LCN10: variants seen among roughly 807,000 people sequenced by gnomAD.
The protein encoded by LCN10 is epididymal-specific lipocalin-10.
A neutral mutation model predicts 25.1 loss-of-function variants in LCN10; 18 were observed. The observed-to-expected ratio is 0.72, with a 90% CI of 0.50 to 1.06. The LOEUF (loss-of-function observed/expected upper bound fraction) is 1.06. Ranked by LOEUF, LCN10 falls within the 50% of genes least tolerant of loss-of-function variation. LCN10 has a pLI of 0.00. For synonymous variants in LCN10, 130 were observed against 116.7 expected (o/e 1.11, Z -0.73); for missense variants, 257 against 258.9 (o/e 0.99, Z 0.05).
rs370596359 is a variant in LCN10 at position 136,742,035 on chromosome 9, T to A, written c.118-15A>T. The A allele has an allele frequency of 1.9e-6, 3 of 1,612,116 alleles. No individual in the cohort carries two copies. Among genetic ancestry groups the A allele is most frequent in the Non-Finnish European group, 2.5e-6 (3 of 1,179,568 alleles). ...AACCCTGAAAACTGCGCAGCGGATG[T>A]GTGGGCGGGGACAGGAGCTGCCACC... On this transcript the variant is annotated splice_polypyrimidine_tract_variant and intron_variant, in intron 1 of 5. Coordinates refer to ENST00000497771, the MANE Select transcript of LCN10 (RefSeq NM_001001712.3).
intron 3 of LCN10, 40 bp downstream of exon 3, chr9:136,741,212 A>G: frequency 6.4e-7 from 1 of 1,559,514 alleles, no homozygotes; most frequent in Non-Finnish European, 8.8e-7. Flanking sequence ...GGTCAGAGGC[A>G]TATCACGCAG....
Position 136,741,931 on chromosome 9 carries a change from C to G in LCN10, c.207G>C (p.Val69=). Residue 69 remains valine, a synonymous_variant, in exon 2 of 6, where the codon GTG becomes GTC. Transcript: ENST00000497771. ...GCTGGCCCACTTTGTTCACCTTTAC[C>G]ACGGACGCCCCCAGCTTCCTCTTGT... The part of the protein sequence containing the change: ...ARDKRKLGAS[V]VKVNKVGQLR... 6.2e-7 allele frequency: 1 copy of G among 1,610,896 alleles called. No homozygotes were observed. Among genetic ancestry groups the G allele is most frequent in the Non-Finnish European group, 8.5e-7 (1 of 1,178,910 alleles).
intron 1 of LCN10, 141 bp from the exon 2 acceptor site, chr9:136,742,161 T>G: frequency 1.9e-6 from 2 of 1,060,686 alleles, no homozygotes; most frequent in Admixed American, 2.4e-5. Context: ...GCCGCCTCGG[T>G]CCCGGCCACT....
chr9:136,741,700 C>A, intron 2 of LCN10, 181 bp downstream of exon 2: 1 of 866,434 alleles, frequency 1.2e-6, no homozygotes, highest in East Asian at 2.7e-5. Context: ...TCCCAACACC[C>A]ACCCATGTGG....
intron 3 of LCN10, 34 bp downstream of exon 3, chr9:136,741,218 C>A (rs773736923): frequency 1.3e-6 from 2 of 1,581,054 alleles, no homozygotes; most frequent in Non-Finnish European, 1.7e-6. Context: ...AGGCATATCA[C>A]GCAGCTCCTC....
chr9:136,742,277 C>T (rs1284055625), intron 1 of LCN10: 31 of 511,276 alleles, frequency 6.1e-5, no homozygotes, highest in African/African-American at 5.8e-4. Context: ...GTGGGAGGCC[C>T]CCTACCTCAG....
chr9:136,742,116 C>G, intron 1 of LCN10, 96 bp from the exon 2 acceptor site: 3 of 1,482,746 alleles, frequency 2.0e-6, no homozygotes, highest in Non-Finnish European at 2.7e-6. Flanking sequence ...GACAAATGAC[C>G]CTTCTGTGAG....
intron 1 of LCN10, chr9:136,742,336 G>A (rs905980943): frequency 2.8e-5 from 12 of 424,530 alleles, no homozygotes; most frequent in Middle Eastern, 6.6e-4. Context: ...GGTACTGCTC[G>A]GCCACTTCCC....
rs760719219 is a variant in LCN10, at chr9:136,741,281, G to A, written c.338C>T (p.Ala113Val). The change falls in exon 3 of 6, where the codon GCG (alanine) becomes GTG (valine). Residue 113 changes from alanine (A) to valine (V), a missense_variant. Ala to Val is a moderately conservative substitution (Grantham distance 64). Transcript: ENST00000497771. ...CTCCTGTCCTTCCCTCGGGCCCGCCGCGTATGCACAGGCGTTCCCAAACAC... is the reference window on the plus strand; with the variant it reads ...CTCCTGTCCTTCCCTCGGGCCCGCCACGTATGCACAGGCGTTCCCAAACAC... The part of the protein sequence containing the change: ...KPVFGNACAY[A>V]AGPREGQEGV... The A allele has an allele frequency of 1.7e-5, 28 of 1,613,408 alleles. No homozygotes were observed. Among genetic ancestry groups the A allele is most frequent in the South Asian group, 3.3e-5 (3 of 91,088 alleles).
chr9:136,740,969 G>T lies in LCN10; in HGVS notation c.368-26C>A. The T allele has an allele frequency of 6.3e-7, 1 of 1,578,994 alleles. No homozygotes were observed. The highest frequency in any genetic ancestry group is 8.7e-7 in the Non-Finnish European group (1 of 1,149,706). On this transcript the variant is annotated intron_variant, in intron 3 of 5. Transcript: ENST00000497771. The surrounding 1 kb of genome is among the most constrained non-coding windows in gnomAD (Gnocchi z 5.3). ...CTGAAAGAGATGCCCAGAGATGCCC[G>T]CTGGTTCCCGGATGGCGTGGCTGTG...
In LCN10 at chr9:136,740,754, C is replaced by T. The variant is rs535894124; in HGVS notation, c.475+82G>A. The stretch of plus-strand genomic sequence containing the variant: ...TCTCCCTGCCCGCCTCACCTCCTGC[C>T]CGGCCCCCTGTGCCCAGCGCCCCTC... On this transcript the variant is annotated intron_variant, in intron 4 of 5. Coordinates refer to ENST00000497771, the MANE Select transcript of LCN10 (RefSeq NM_001001712.3). The surrounding 1 kb of genome is among the most constrained non-coding windows in gnomAD (Gnocchi z 5.3). 34 of 1,024,660 alleles carry T rather than the reference C, an allele frequency of 3.3e-5. No individual in the cohort carries two copies. In the East Asian group the frequency reaches 8.1e-4, roughly 24 times the overall value. 63.5% of individuals were successfully genotyped at this position (1,024,660 alleles called of 1,614,324 possible).
chr9:136,741,118 C>A, intron 3 of LCN10, 134 bp downstream of exon 3: 1 of 997,858 alleles, frequency 1.0e-6, no homozygotes, highest in Non-Finnish European at 1.5e-6. Context: ...CAGCACATGA[C>A]GTGTGGGCTC....
Position 136,740,117 on chromosome 9 carries a change from C to A in LCN10, c.476-69G>T. 2.0e-6 allele frequency: 2 copies of A among 1,009,836 alleles called. No homozygotes were observed. The highest frequency in any genetic ancestry group is 1.4e-5 in the South Asian group (1 of 73,146). The allele number at this position is 1,009,836 out of a possible 1,614,324, so 62.6% of individuals were successfully genotyped here. A position where few individuals can be genotyped will look rare whatever the true frequency, so the allele number is the denominator to read the frequency against. ...CATTTTAGGGTCTGCACCCTGACCC[C>A]CATCCCTACCCCAGGAGCTGCTGAA... is the stretch of plus-strand genomic sequence containing the variant. On this transcript the variant is annotated intron_variant, in intron 4 of 5. Coordinates refer to ENST00000497771, the MANE Select transcript of LCN10 (RefSeq NM_001001712.3). The surrounding 1 kb of genome is among the most constrained non-coding windows in gnomAD (Gnocchi z 5.3).
intron 1 of LCN10, 58 bp downstream of exon 1, chr9:136,742,729 A>G (rs1185993947): frequency 1.1e-5 from 18 of 1,598,220 alleles, no homozygotes; most frequent in Admixed American, 1.7e-5. Context: ...ACTGTGCAGG[A>G]GCCTGCTCCA....
chr9:136,738,585 A>G lies in LCN10; in HGVS notation c.*940T>C, dbSNP rs901000837. On this transcript the variant is annotated 3_prime_UTR_variant, in exon 6 of 6. Coordinates refer to ENST00000497771, the MANE Select transcript of LCN10 (RefSeq NM_001001712.3). ...GGTTCATCTCAGACAACCTCCCGTC[A>G]TCACCCCTTGAGTGAGACCTAAGCC... is the stretch of plus-strand genomic sequence containing the variant. The G allele has an allele frequency of 1.3e-5, 2 of 152,132 alleles. No individual in the cohort carries two copies. Among genetic ancestry groups the G allele is most frequent in the Non-Finnish European group, 2.9e-5 (2 of 68,046 alleles). 9.4% of individuals were successfully genotyped at this position (152,132 alleles called of 1,614,324 possible). A position where few individuals can be genotyped will look rare whatever the true frequency, so the allele number is the denominator to read the frequency against.
At position 136,738,562 on chromosome 9, in the gene LCN10, T is replaced by TCTG. The variant is rs1327293060; in HGVS notation, c.*962_*963insCAG. ...AAGGTCCATTCATTCAGTTGGGGGG[T>TCTG]TCATCTCAGACAACCTCCCGTCATC... On this transcript the variant is annotated 3_prime_UTR_variant, in exon 6 of 6. Transcript: ENST00000497771. The TCTG allele has an allele frequency of 6.6e-6, 1 of 151,324 alleles. No individual in the cohort carries two copies. Among genetic ancestry groups the TCTG allele is most frequent in the East Asian group, 1.9e-4 (1 of 5,160 alleles). 9.4% of individuals were successfully genotyped at this position (151,324 alleles called of 1,614,324 possible).
At position 136,739,479 on chromosome 9, in the gene LCN10, C is replaced by A; in HGVS notation, c.*46G>T. The A allele has an allele frequency of 6.4e-7, 1 of 1,571,936 alleles. No homozygotes were observed. The highest frequency in any genetic ancestry group is 1.2e-5 in the South Asian group (1 of 85,338). On this transcript the variant is annotated 3_prime_UTR_variant, in exon 6 of 6. Coordinates refer to ENST00000497771, the MANE Select transcript of LCN10 (RefSeq NM_001001712.3). The surrounding 1 kb of genome is among the most constrained non-coding windows in gnomAD (Gnocchi z 6.1). ...ACATCTGGAACAACGCTCCTCGGGTCTGGGAGGACCACGCGTCGAAAGGGA... is the reference window on the plus strand; with the variant it reads ...ACATCTGGAACAACGCTCCTCGGGTATGGGAGGACCACGCGTCGAAAGGGA...
chr9:136,742,703 G>A (rs1846965611), intron 1 of LCN10, 84 bp downstream of exon 1: 1 of 1,503,716 alleles, frequency 6.7e-7, no homozygotes, highest in Non-Finnish European at 9.0e-7. Flanking sequence ...CCCTGCTCCT[G>A]GGCGGCTGCC....
chr9:136,741,720 G>C, intron 2 of LCN10, 161 bp downstream of exon 2: 1 of 997,954 alleles, frequency 1.0e-6, no homozygotes, highest in East Asian at 2.6e-5. Flanking sequence ...GGGTCCCAGG[G>C]GCTGCAGGTG....
Sources: allele counts gnomAD v4.1 joint callset, GRCh38; gene constraint gnomAD v4.1.1; non-coding constraint Gnocchi (gnomAD v3.1); transcripts MANE v1.5; gene names NCBI Gene and HGNC (gene_info 2026-07-23, HGNC 2026-07-21).